Variants in THSD7B observed in about 807,000 individuals in gnomAD.
The protein encoded by THSD7B is thrombospondin type 1 domain containing 7B.
THSD7B carries 138 observed loss-of-function variants against 213.6 expected under a neutral mutation model. The ratio of observed to expected loss-of-function variants is 0.65; its 90% confidence interval spans 0.56 to 0.74. THSD7B has a LOEUF of 0.74. Ranked by LOEUF, THSD7B falls within the 30% of genes least tolerant of loss-of-function variation. The pLI is 0.00. For synonymous variants in THSD7B, 742 were observed against 687.0 expected (o/e 1.08, Z -1.25); for missense variants, 1,931 against 1,991.5 (o/e 0.97, Z 0.58).
chr2:137,578,927 G>C (rs1438807706), intron 17 of THSD7B, among the ~76,000 whole-genome samples: 1 of 152,158 alleles, frequency 6.6e-6, no homozygotes, highest in Non-Finnish European at 1.5e-5. Context: ...ACAACAGCAA[G>C]TCATTTAACG....
chr2:137,071,002 G>A (rs938254269), intron 3 of THSD7B, among the ~76,000 whole-genome samples: 6 of 152,124 alleles, frequency 3.9e-5, no homozygotes, highest in African/African-American at 1.2e-4. Context: ...TTGTTATTGT[G>A]AATAGTGCCG....
chr2:137,014,896 C>T (rs1351807809), intron 2 of THSD7B, among the ~76,000 whole-genome samples: 3 of 152,088 alleles, frequency 2.0e-5, no homozygotes, highest in Non-Finnish European at 4.4e-5. Flanking sequence ...GCACACTGCT[C>T]ACCCAGCCTG....
intron 3 of THSD7B, among the ~76,000 whole-genome samples, chr2:137,076,546 G>A (rs1009294445): frequency 1.2e-4 from 18 of 152,236 alleles, no homozygotes; most frequent in Non-Finnish European, 1.0e-4. Flanking sequence ...CCCGGGTGAG[G>A]CGATGTCTCG....
rs1293654017 is a variant in THSD7B at position 137,394,638 on chromosome 2, G to A, written c.2501-10975G>A. Among the ~76,000 whole-genome samples, 14 of 137,500 alleles carry A rather than the reference G, an allele frequency of 1.0e-4. 1 individual carries two copies. The highest frequency in any genetic ancestry group is 4.3e-4 in the Admixed American group (6 of 13,962). The allele number at this position is 137,500 out of a possible 152,430, so 90.2% of individuals were successfully genotyped here. On this transcript the variant is annotated intron_variant, in intron 12 of 27. Coordinates refer to ENST00000409968, the MANE Select transcript of THSD7B (RefSeq NM_001316349.2). ...TCTTTTGGCTTAGGATTGCCTTGGC[G>A]ATGCGGGCTCTTTTTTGGTTCCATA...
chr2:136,779,911 T>C (rs1019077254), intron 1 of THSD7B, among the ~76,000 whole-genome samples: 3 of 152,158 alleles, frequency 2.0e-5, no homozygotes, highest in Admixed American at 6.5e-5. Flanking sequence ...GTATTCAGAA[T>C]ACCATGGACA....
intron 14 of THSD7B, among the ~76,000 whole-genome samples, chr2:137,423,319 GTATC>G (rs1686968817): frequency 6.6e-6 from 1 of 151,974 alleles, no homozygotes; most frequent in Admixed American, 6.6e-5. Flanking sequence ...TAAATAAAAG[GTATC>G]TATATTGAAA....
At chr2:136,902,881 A>C (rs1256870949) in intron 2 of THSD7B, among the ~76,000 whole-genome samples, 1 of 152,210 alleles carries the variant, frequency 6.6e-6, no homozygotes, top group African/African-American at 2.4e-5. Flanking sequence ...CATTATATGC[A>C]CATGGGAGGA....
chr2:137,663,904 T>C (rs745521987), intron 26 of THSD7B, among the ~76,000 whole-genome samples: 4 of 152,174 alleles, frequency 2.6e-5, no homozygotes, highest in Non-Finnish European at 5.9e-5. Context: ...CAGGCTGCAG[T>C]CCAGTGGTGT....
intron 2 of THSD7B, among the ~76,000 whole-genome samples, chr2:137,027,434 T>C (rs1399441322): frequency 6.6e-6 from 1 of 152,190 alleles, no homozygotes. Flanking sequence ...ATCCCACACC[T>C]GATTTCTTGA....
At chr2:137,453,167 T>A (rs1462906510) in intron 15 of THSD7B, among the ~76,000 whole-genome samples, 1 of 151,994 alleles carries the variant, frequency 6.6e-6, no homozygotes, top group African/African-American at 2.4e-5. Context: ...ATCCATATGT[T>A]ATATATTAAA....
intron 12 of THSD7B, among the ~76,000 whole-genome samples, chr2:137,339,360 G>A (rs1244971215): frequency 6.6e-6 from 1 of 151,990 alleles, no homozygotes; most frequent in Non-Finnish European, 1.5e-5. Context: ...TCTACTGAGT[G>A]CTATGAGAGA....
At chr2:137,017,929 C>T (rs13395991) in intron 2 of THSD7B, among the ~76,000 whole-genome samples, 11,405 of 151,354 alleles carry the variant, frequency 0.075, 462 homozygotes, top group East Asian at 0.14. Context: ...ACTTCTGTTA[C>T]ATAAAATGTG....
At chr2:137,312,305 T>C (rs1683935890) in intron 12 of THSD7B, among the ~76,000 whole-genome samples, 1 of 152,164 alleles carries the variant, frequency 6.6e-6, no homozygotes. Flanking sequence ...GAGGTGTTTA[T>C]AGTATTCTCT....
At chr2:136,959,959 G>T (rs1471210331) in intron 2 of THSD7B, among the ~76,000 whole-genome samples, 1 of 152,150 alleles carries the variant, frequency 6.6e-6, no homozygotes, top group Non-Finnish European at 1.5e-5. Flanking sequence ...TCCGCACCTG[G>T]ATTCAGAATT....
intron 2 of THSD7B, among the ~76,000 whole-genome samples, chr2:137,039,310 A>C (rs148120157): frequency 1.7e-4 from 26 of 152,296 alleles, no homozygotes; most frequent in African/African-American, 5.5e-4. Flanking sequence ...TTTTGATAGG[A>C]TTAAACGATA....
intron 10 of THSD7B, among the ~76,000 whole-genome samples, chr2:137,267,635 A>T (rs1195662595): frequency 1.3e-5 from 2 of 151,798 alleles, no homozygotes; most frequent in Non-Finnish European, 2.9e-5. Context: ...TTGGGAAATT[A>T]TTTACCTCTT....
intron 1 of THSD7B, among the ~76,000 whole-genome samples, chr2:136,878,049 T>G (rs1263580369): frequency 6.6e-6 from 1 of 152,180 alleles, no homozygotes; most frequent in Non-Finnish European, 1.5e-5. Context: ...TAGGTATATC[T>G]CCTAATGCTA....
chr2:136,969,692 T>C (rs1685374588), intron 2 of THSD7B, among the ~76,000 whole-genome samples: 1 of 152,142 alleles, frequency 6.6e-6, no homozygotes, highest in African/African-American at 2.4e-5. Flanking sequence ...CAGGGCACAT[T>C]AGGCAGGAGA....
intron 1 of THSD7B, among the ~76,000 whole-genome samples, chr2:136,798,426 T>C (rs1026846435): frequency 1.3e-5 from 2 of 151,912 alleles, no homozygotes; most frequent in Non-Finnish European, 2.9e-5. Flanking sequence ...AGGGAGCGAT[T>C]ATGATGGGTA....
Sources: allele counts gnomAD v4.1 joint callset (sites outside exome capture counted in the v4.1 genomes callset), GRCh38; gene constraint gnomAD v4.1.1; transcripts MANE v1.5; gene names NCBI Gene and HGNC (gene_info 2026-07-23, HGNC 2026-07-21).